DDC: variants seen among roughly 807,000 people sequenced by gnomAD.
DDC encodes the protein dopa decarboxylase.
Under a neutral mutation model 60.0 loss-of-function variants are expected in DDC, and 43 were observed. The ratio of observed to expected loss-of-function variants is 0.72; its 90% confidence interval spans 0.56 to 0.92. The LOEUF (loss-of-function observed/expected upper bound fraction) is 0.92, where lower values mean the gene tolerates loss of function less well. Among genes scored for constraint, DDC ranks in the 40% least tolerant of loss-of-function variants. DDC has a pLI of 0.00. For synonymous variants in DDC, 232 were observed against 234.6 expected (o/e 0.99, Z 0.10); for missense variants, 573 against 620.2 (o/e 0.92, Z 0.81).
At chr7:50,564,524 T>C (rs946940426) in intron 1 of DDC, among the ~76,000 whole-genome samples, 23 of 152,352 alleles carry the variant, frequency 1.5e-4, no homozygotes, top group African/African-American at 5.5e-4. Context: ...TCAGAAGTAA[T>C]GGTTTTAACT....
chr7:50,551,896 G>A (rs1395097791), intron 1 of DDC, among the ~76,000 whole-genome samples: 1 of 152,016 alleles, frequency 6.6e-6, no homozygotes, highest in Non-Finnish European at 1.5e-5. Context: ...TTGCCCTCCT[G>A]GGGGGCCACA....
intron 12 of DDC, among the ~76,000 whole-genome samples, chr7:50,467,945 C>A (rs2042434802): frequency 6.6e-6 from 1 of 152,244 alleles, no homozygotes; most frequent in Non-Finnish European, 1.5e-5. Flanking sequence ...AACGGCCTTC[C>A]TCTCATTGAA....
chr7:50,559,669 C>A (rs1373747303), intron 1 of DDC, among the ~76,000 whole-genome samples: 1 of 152,198 alleles, frequency 6.6e-6, no homozygotes, highest in African/African-American at 2.4e-5. Context: ...CTCAGGTGAT[C>A]CACTCGCCTC....
At chr7:50,515,651 T>C (rs1305853675) in intron 6 of DDC, among the ~76,000 whole-genome samples, 1 of 152,170 alleles carries the variant, frequency 6.6e-6, no homozygotes, top group Admixed American at 6.5e-5. Flanking sequence ...ACAGAATGGA[T>C]AATAACTCAC....
At chr7:50,463,691 G>GT (rs886660213) in intron 13 of DDC, among the ~76,000 whole-genome samples, 1 of 152,128 alleles carries the variant, frequency 6.6e-6, no homozygotes, top group Admixed American at 6.6e-5. Flanking sequence ...CATGGTCTAA[G>GT]TTTTTTTAAG....
chr7:50,472,083 T>C (rs1347289413), intron 11 of DDC, among the ~76,000 whole-genome samples: 2 of 152,222 alleles, frequency 1.3e-5, no homozygotes, highest in East Asian at 3.8e-4. Flanking sequence ...CTCCAGAGAC[T>C]GAATTCGATG....
chr7:50,459,064 C>T (rs2042187705), intron 14 of DDC, among the ~76,000 whole-genome samples: 1 of 152,250 alleles, frequency 6.6e-6, no homozygotes, highest in Non-Finnish European at 1.5e-5. Flanking sequence ...CTGCCTGATT[C>T]TCCTGCCTCA....
intron 14 of DDC, among the ~76,000 whole-genome samples, chr7:50,460,998 A>G (rs912237759): frequency 3.3e-5 from 5 of 151,540 alleles, no homozygotes; most frequent in Non-Finnish European, 2.9e-5. Context: ...CTATTGTCCT[A>G]TGACCCTGCC....
intron 1 of DDC, among the ~76,000 whole-genome samples, chr7:50,557,413 A>C (rs1054779814): frequency 3.9e-5 from 6 of 152,238 alleles, no homozygotes; most frequent in African/African-American, 1.4e-4. Flanking sequence ...GCAACTTCCA[A>C]AGACAAAAAA....
At position 50,544,314 on chromosome 7, in the gene DDC, G is replaced by C. The variant is rs3779075; in HGVS notation, c.-28-201C>G. 0.018 allele frequency among the ~76,000 whole-genome samples: 2,703 copies of C among 152,294 alleles called. 164 individuals are homozygous for C. Among genetic ancestry groups the C allele is most frequent in the Admixed American group, 0.11 (1,704 of 15,296 alleles). On this transcript the variant is annotated intron_variant, in intron 1 of 14. Coordinates refer to ENST00000444124, the MANE Select transcript of DDC (RefSeq NM_001082971.2). ...TGGATTTGGGACTGAGGCAAAAGCTGCTTCTCCTCTTCACCAGCTATTCAA... is the reference window on the plus strand; with the variant it reads ...TGGATTTGGGACTGAGGCAAAAGCTCCTTCTCCTCTTCACCAGCTATTCAA...
At chr7:50,480,351 C>A (rs2042739903) in intron 9 of DDC, among the ~76,000 whole-genome samples, 1 of 152,236 alleles carries the variant, frequency 6.6e-6, no homozygotes, top group Non-Finnish European at 1.5e-5. Flanking sequence ...GCCACGTGAC[C>A]TACCACCCCA....
intron 6 of DDC, among the ~76,000 whole-genome samples, chr7:50,518,637 G>A (rs1164011463): frequency 6.6e-6 from 1 of 152,158 alleles, no homozygotes; most frequent in Non-Finnish European, 1.5e-5. Context: ...TAAAGTGGGG[G>A]AAAGGACACC....
At chr7:50,492,695 G>GACCTCTCT in intron 9 of DDC, 2 of 1,355,286 alleles carry the variant, frequency 1.5e-6, no homozygotes, top group Non-Finnish European at 1.9e-6. Context: ...TTTTCCAAAT[G>GACCTCTCT]GCCTTTTCCA....
At chr7:50,525,338 T>C (rs1235953798) in intron 6 of DDC, among the ~76,000 whole-genome samples, 5 of 152,218 alleles carry the variant, frequency 3.3e-5, no homozygotes, top group Non-Finnish European at 7.3e-5. Flanking sequence ...TGAACCAGTG[T>C]CAGTCTCCTG....
At chr7:50,494,954 T>A (rs777514851) in intron 9 of DDC, among the ~76,000 whole-genome samples, 1 of 152,196 alleles carries the variant, frequency 6.6e-6, no homozygotes. Context: ...TGAGCCACTG[T>A]GCCCGGCCTT....
chr7:50,493,291 C>T (rs577640288), intron 9 of DDC, among the ~76,000 whole-genome samples: 108 of 152,270 alleles, frequency 7.1e-4, no homozygotes, highest in Non-Finnish European at 1.4e-3. Context: ...GGCCTCAGGG[C>T]GCACGAGAAC....
At chr7:50,562,760 A>C (rs2045369111) in intron 1 of DDC, among the ~76,000 whole-genome samples, 1 of 152,228 alleles carries the variant, frequency 6.6e-6, no homozygotes. Flanking sequence ...GCTACACACC[A>C]GGGGGACACA....
intron 6 of DDC, among the ~76,000 whole-genome samples, chr7:50,526,996 G>A (rs1184755412): frequency 3.7e-5 from 5 of 133,464 alleles, no homozygotes; most frequent in African/African-American, 1.3e-4. Context: ...AGTGGAAATA[G>A]ACATATCTAC....
chr7:50,490,913 C>T (rs115421493), intron 9 of DDC, among the ~76,000 whole-genome samples: 445 of 152,228 alleles, frequency 2.9e-3, no homozygotes, highest in Admixed American at 6.9e-3. Flanking sequence ...GTATTTAATA[C>T]AATTGGGGAA....
Sources: gnomAD v4.1 joint callset for allele counts (sites outside exome capture counted in the v4.1 genomes callset) on GRCh38, gnomAD v4.1.1 for gene constraint, MANE v1.5 for transcripts, NCBI Gene and HGNC (gene_info 2026-07-23, HGNC 2026-07-21) for gene names.